The following CEP120 variants were observed in gnomAD, a reference collection of about 807,000 sequenced individuals.
CEP120 encodes the protein centrosomal protein of 120 kDa.
CEP120 carries 113 observed loss-of-function variants against 126.5 expected under a neutral mutation model. The ratio of observed to expected loss-of-function variants is 0.89; its 90% CI spans 0.77 to 1.04. The LOEUF is 1.04. CEP120 is among the 50% of genes least tolerant of loss of function. The pLI is 0.00. For synonymous variants in CEP120, 400 were observed against 394.3 expected (o/e 1.01, Z -0.17); for missense variants, 1,230 against 1,155.7 (o/e 1.06, Z -0.93).
chr5:123,407,105 T>TAA (rs34074238), intron 4 of CEP120, among the ~76,000 whole-genome samples: 3,476 of 124,694 alleles, frequency 0.028, 138 homozygotes, highest in African/African-American at 0.093. Flanking sequence ...ACTAAAAAAG[T>TAA]AAAAAAAAAA....
intron 5 of CEP120, 47 bp from the exon 6 acceptor site, chr5:123,393,544 T>C (rs750266223): frequency 2.4e-5 from 35 of 1,463,014 alleles, no homozygotes; most frequent in Non-Finnish European, 3.1e-5. Context: ...TCTAAACTAC[T>C]GAACATGCTT....
rs144537145 is a variant in CEP120 at position 123,400,966 on chromosome 5, G to A, written c.464-1682C>T. 6.2e-3 allele frequency: 9,375 copies of A among 1,511,416 alleles called. 479 individuals are homozygous for A. In the African/African-American group the frequency reaches 0.12, roughly 19 times the overall value. 93.6% of individuals were successfully genotyped at this position (1,511,416 alleles called of 1,614,324 possible). A position where few individuals can be genotyped will look rare whatever the true frequency, so the allele number is the denominator to read the frequency against. ...GACTCGGACACCAGCTTCCCATCAC[G>A]TGTCTCGATCTTCACAACCACGGCC... On this transcript the variant is annotated intron_variant, in intron 4 of 19. Transcript: ENST00000306467.
intron 15 of CEP120, 57 bp downstream of exon 15, chr5:123,378,279 C>T (rs11740607): frequency 7.7e-7 from 1 of 1,297,098 alleles, no homozygotes; most frequent in East Asian, 2.4e-5. Context: ...AATAGTATTT[C>T]TACTTTGCAA....
chr5:123,398,200 G>C (rs1334634905), intron 5 of CEP120, among the ~76,000 whole-genome samples: 1 of 151,818 alleles, frequency 6.6e-6, no homozygotes, highest in Non-Finnish European at 1.5e-5. Context: ...ATAATGTCAA[G>C]AAAAGTAGAT....
intron 1 of CEP120, 86 bp downstream of exon 1, chr5:123,422,864 C>G: frequency 1.6e-6 from 2 of 1,250,666 alleles, no homozygotes; most frequent in South Asian, 2.4e-5. Context: ...TGACAGGGTT[C>G]TTAAGGTTAA....
At chr5:123,401,514 C>A in intron 4 of CEP120, 1 of 1,284,976 alleles carries the variant, frequency 7.8e-7, no homozygotes, top group Non-Finnish European at 1.1e-6. Context: ...CTCTCAGCCT[C>A]GGCCTGGCTG....
At chr5:123,420,939 T>C (rs1774673375) in intron 1 of CEP120, among the ~76,000 whole-genome samples, 1 of 152,204 alleles carries the variant, frequency 6.6e-6, no homozygotes, top group African/African-American at 2.4e-5. Flanking sequence ...GGCAACAGCA[T>C]GGTTATGATG....
intron 18 of CEP120, among the ~76,000 whole-genome samples, chr5:123,355,213 C>A (rs535821821): frequency 6.6e-6 from 1 of 152,100 alleles, no homozygotes. Context: ...GGTTCCAAGT[C>A]TTTGCTATTG....
In CEP120 at chr5:123,416,108, T is replaced by C. The variant is rs372680663; in HGVS notation, c.223A>G (p.Ile75Val). 1 of 1,610,966 alleles carries C rather than the reference T, an allele frequency of 6.2e-7. No homozygotes were observed. The highest frequency in any genetic ancestry group is 8.5e-7 in the Non-Finnish European group (1 of 1,177,136). Residue 75 changes from isoleucine to valine, a missense_variant, in exon 3 of 20, where the codon ATC becomes GTC. Ile to Val is a conservative substitution (Grantham distance 29). Transcript: ENST00000306467. ...LHQHRLQRTPIKLQCFALDPV... is the reference protein window; with the variant it reads ...LHQHRLQRTPVKLQCFALDPV... ...TCCAAGGCAAAACATTGGAGTTTGATAGGAGTACGCTGTAGCCTATAACAA... is the reference window on the plus strand; with the variant it reads ...TCCAAGGCAAAACATTGGAGTTTGACAGGAGTACGCTGTAGCCTATAACAA...
chr5:123,423,016 C>T lies in CEP120; in HGVS notation c.-18G>A, dbSNP rs1365926848. ...GAGACCATGGTTGCGGTGAGCGGTCCGGGGGCGAAGGCGGCTGGGGGGAAG... is the reference window on the plus strand; with the variant it reads ...GAGACCATGGTTGCGGTGAGCGGTCTGGGGGCGAAGGCGGCTGGGGGGAAG... On this transcript the variant is annotated 5_prime_UTR_variant, in exon 1 of 20. Coordinates refer to ENST00000306467, the MANE Select transcript of CEP120 (RefSeq NM_001375405.1). 9 of 1,613,140 alleles carry T rather than the reference C, an allele frequency of 5.6e-6. No homozygotes were observed. The highest frequency in any genetic ancestry group is 1.3e-5 in the African/African-American group (1 of 74,882).
chr5:123,360,955 G>A (rs1770034197), intron 18 of CEP120, among the ~76,000 whole-genome samples: 1 of 151,742 alleles, frequency 6.6e-6, no homozygotes, highest in Non-Finnish European at 1.5e-5. Flanking sequence ...ATACACATAT[G>A]AACATGACAA....
chr5:123,376,654 G>C (rs1771246983), intron 16 of CEP120, among the ~76,000 whole-genome samples: 1 of 152,028 alleles, frequency 6.6e-6, no homozygotes, highest in African/African-American at 2.4e-5. Context: ...TGGAGAGAAG[G>C]ACCACAGTGG....
In CEP120 at chr5:123,422,372, T is replaced by A. The variant is rs1774772614; in HGVS notation, c.49+578A>T. ...CACTCTCCTTGCTACATCCTTAGCT[T>A]TTTAGAATCAGGACTGTTTCATTCT... On this transcript the variant is annotated intron_variant, in intron 1 of 19. Coordinates refer to ENST00000306467, the MANE Select transcript of CEP120 (RefSeq NM_001375405.1). 11 of 816,574 alleles carry A rather than the reference T, an allele frequency of 1.3e-5. No homozygotes were observed. The East Asian group carries it at 2.9e-4, about 22-fold the overall frequency. 50.6% of individuals were successfully genotyped at this position (816,574 alleles called of 1,614,324 possible). A position where few individuals can be genotyped will look rare whatever the true frequency, so the allele number is the denominator to read the frequency against.
At chr5:123,404,595 A>T (rs374023083) in intron 4 of CEP120, among the ~76,000 whole-genome samples, 90 of 152,352 alleles carry the variant, frequency 5.9e-4, no homozygotes, top group African/African-American at 1.9e-3. Flanking sequence ...TACTGGTAAG[A>T]GAAGAAGCTG....
At chr5:123,392,941 G>C (rs1772502820) in intron 6 of CEP120, among the ~76,000 whole-genome samples, 1 of 152,182 alleles carries the variant, frequency 6.6e-6, no homozygotes, top group South Asian at 2.1e-4. Flanking sequence ...TTGAAATCGA[G>C]AGTGTGATCT....
At chr5:123,389,733 C>CA (rs1271038618) in intron 8 of CEP120, among the ~76,000 whole-genome samples, 191 bp downstream of exon 8, 2 of 152,206 alleles carry the variant, frequency 1.3e-5, no homozygotes, top group African/African-American at 4.8e-5. Context: ...TGCCCAACCT[C>CA]AGGTGATCCA....
chr5:123,366,372 C>G (rs138586587), intron 17 of CEP120, among the ~76,000 whole-genome samples: 189 of 151,826 alleles, frequency 1.2e-3, no homozygotes, highest in African/African-American at 4.3e-3. Flanking sequence ...AGGTAATAGA[C>G]CATAAGCCAA....
Position 123,370,168 on chromosome 5 carries a change from TA to T in CEP120, c.2481+2481del, listed in dbSNP as rs377304014. ...AACATGGTTTCTGCCTTGGAAAGTT[TA>T]GAATCTAGGTTGCATTATGGTAGCT... On this transcript the variant is annotated intron_variant, in intron 17 of 19. Coordinates refer to ENST00000306467, the MANE Select transcript of CEP120 (RefSeq NM_001375405.1). Among the ~76,000 whole-genome samples the T allele has an allele frequency of 2.3e-3, 346 of 152,150 alleles. 4 individuals are homozygous for T. Among genetic ancestry groups the T allele is most frequent in the African/African-American group, 8.0e-3 (332 of 41,542 alleles).
rs185529486 is a variant in CEP120, at chr5:123,381,820, T to A, written c.2103+291A>T. Among the ~76,000 whole-genome samples, 35 of 152,126 alleles carry A rather than the reference T, an allele frequency of 2.3e-4. 1 individual carries two copies. Among genetic ancestry groups the A allele is most frequent in the African/African-American group, 6.0e-4 (25 of 41,510 alleles). On this transcript the variant is annotated intron_variant, in intron 14 of 19. Transcript: ENST00000306467. Reference sequence around the variant, plus strand: ...TATGTTGTCCAGGCTGGTCTCAACCTCCTGGCCTCAAGCAATCCTCCCTCA... The same window carrying A: ...TATGTTGTCCAGGCTGGTCTCAACCACCTGGCCTCAAGCAATCCTCCCTCA...
Sources: gnomAD v4.1 joint callset for allele counts (sites outside exome capture counted in the v4.1 genomes callset) on GRCh38, gnomAD v4.1.1 for gene constraint, MANE v1.5 for transcripts, NCBI Gene and HGNC (gene_info 2026-07-23, HGNC 2026-07-21) for gene names.